CD163L1: variants seen among roughly 807,000 people sequenced by gnomAD.
The protein encoded by CD163L1 is scavenger receptor cysteine-rich type 1 protein M160.
CD163L1 carries 124 observed loss-of-function variants against 165.4 expected under a neutral mutation model. That is an observed-to-expected ratio of 0.75 (90% CI 0.65 to 0.87). The LOEUF (loss-of-function observed/expected upper bound fraction) is 0.87. Among genes scored for constraint, CD163L1 ranks in the 40% least tolerant of loss-of-function variants. The pLI, the probability that CD163L1 is intolerant of heterozygous loss-of-function variation, is 0.00. For missense variants in CD163L1, 1,525 were observed against 1,799.9 expected, an observed-to-expected ratio of 0.85 and a Z score of 2.76; for synonymous variants, 585 against 662.2, an observed-to-expected ratio of 0.88 and a Z score of 1.79.
chr12:7,433,697 G>T lies in CD163L1; in HGVS notation c.125-3C>A. On this transcript the variant is annotated splice_region_variant and splice_polypyrimidine_tract_variant and intron_variant, in intron 2 of 19. Transcript: ENST00000313599. ...CCTCAACTCCAAATCTGTTCCATCT[G>T]CAAGAAAGACAGAAACATACATTAG... 6.3e-7 allele frequency: 1 copy of T among 1,598,938 alleles called. No homozygotes were observed. Among genetic ancestry groups the T allele is most frequent in the Non-Finnish European group, 8.5e-7 (1 of 1,170,866 alleles).
chr12:7,373,590 C>T lies in CD163L1; in HGVS notation c.3460G>A (p.Gly1154Arg). ...YSETETESCAGRLEVFYNGTW... is the reference protein window; with the variant it reads ...YSETETESCARRLEVFYNGTW... ...CCGTTATAGAAGACTTCCAATCTCC[C>T]AGCACAGCTCTCTGTTTCAGTTTCA... Residue 1154 changes from glycine (G) to arginine (R), a missense_variant, in exon 14 of 20, where the codon GGG (glycine) becomes AGG (arginine). Coordinates refer to ENST00000313599, the MANE Select transcript of CD163L1 (RefSeq NM_174941.6). 1 of 1,612,994 alleles carries T rather than the reference C, an allele frequency of 6.2e-7. No individual in the cohort carries two copies. The highest frequency in any genetic ancestry group is 2.2e-5 in the East Asian group (1 of 44,860).
chr12:7,438,993 G>A, intron 2 of CD163L1: 1 of 1,604,528 alleles, frequency 6.2e-7, no homozygotes, highest in South Asian at 1.1e-5. Context: ...ACCTTTCTCG[G>A]GGTCTTCTTT....
At chr12:7,373,187 G>A (rs1947178768) in intron 14 of CD163L1, 133 bp downstream of exon 14, 9 of 699,350 alleles carry the variant, frequency 1.3e-5, no homozygotes, top group South Asian at 1.1e-4. Context: ...GAACAGATGC[G>A]ATAAATCAGC....
Position 7,347,507 on chromosome 12 carries a change from C to T in CD163L1, c.*25-360G>A, listed in dbSNP as rs772237141. The stretch of plus-strand genomic sequence containing the variant: ...AAAAAGGAATGGTCTCGGCCGGGCG[C>T]GGTGGCTCACGCTTGTAATCCCAGC... On this transcript the variant is annotated intron_variant, in intron 4 of 4. Transcript: ENST00000539726. The surrounding 1 kb of genome is among the most constrained non-coding windows in gnomAD (Gnocchi z 4.2). Among the ~76,000 whole-genome samples, 2 of 152,048 alleles carry T rather than the reference C, an allele frequency of 1.3e-5. No homozygotes were observed. Among genetic ancestry groups the T allele is most frequent in the South Asian group, 2.1e-4 (1 of 4,822 alleles).
At chr12:7,409,691 A>T (rs1385202525) in intron 4 of CD163L1, among the ~76,000 whole-genome samples, 1 of 152,212 alleles carries the variant, frequency 6.6e-6, no homozygotes, top group African/African-American at 2.4e-5. Context: ...CCCTGTCGTA[A>T]AGGGTACATT....
chr12:7,384,163 G>T (rs1947467681), intron 8 of CD163L1, among the ~76,000 whole-genome samples: 1 of 147,418 alleles, frequency 6.8e-6, no homozygotes, highest in Non-Finnish European at 1.5e-5. Flanking sequence ...ATAATTCAAT[G>T]AAAAACATAA....
intron 9 of CD163L1, 130 bp downstream of exon 9, chr12:7,378,848 G>A: frequency 1.5e-6 from 1 of 648,846 alleles, no homozygotes; most frequent in East Asian, 2.8e-5. Context: ...TAGATAGAGG[G>A]TAGGATTACT....
chr12:7,319,734 TCTTA>T, the CD163L1 span, among the ~76,000 whole-genome samples: 4 of 152,088 alleles, frequency 2.6e-5, no homozygotes, highest in African/African-American at 9.7e-5. Flanking sequence ...GGTTAAAAGG[TCTTA>T]CTTAACATAA....
rs554738823 is a variant in CD163L1, at chr12:7,363,257, C to T, written c.4279+3979G>A. 4.6e-4 allele frequency among the ~76,000 whole-genome samples: 69 copies of T among 151,608 alleles called. 1 individual carries two copies. The South Asian group carries it at 0.014, about 30-fold the overall frequency. ...CCAGGAGGCGGAGGTCGCAGTTAGC[C>T]GAGATTGTACCCCTGCACTCTAGCA... On this transcript the variant is annotated intron_variant, in intron 18 of 19. Coordinates refer to ENST00000313599, the MANE Select transcript of CD163L1 (RefSeq NM_174941.6).
At position 7,398,446 on chromosome 12, in the gene CD163L1, T is replaced by A; in HGVS notation, c.1547A>T (p.Gln516Leu). The A allele has an allele frequency of 6.2e-7, 1 of 1,614,134 alleles. No homozygotes were observed. Among genetic ancestry groups the A allele is most frequent in the Non-Finnish European group, 8.5e-7 (1 of 1,179,998 alleles). ...ATGCAAAGGCTTTCCACATCCCAATTGTTTACAAACAACAGCTGCATTCCT... is the reference window on the plus strand; with the variant it reads ...ATGCAAAGGCTTTCCACATCCCAATAGTTTACAAACAACAGCTGCATTCCT... ...STRNAAVVCK[Q>L]LGCGKPLHVF... Residue 516 changes from glutamine to leucine, a missense_variant, in exon 7 of 20, where the codon CAA (glutamine) becomes CTA (leucine). Physicochemically the swap from Gln to Leu is moderately radical, Grantham distance 113. Coordinates refer to ENST00000313599, the MANE Select transcript of CD163L1 (RefSeq NM_174941.6). The surrounding 1 kb of genome is among the most constrained non-coding windows in gnomAD (Gnocchi z 4.5).
rs1313926966 is a variant in CD163L1, at chr12:7,398,470, C to T, written c.1523G>A (p.Arg508Lys). 1 of 1,613,918 alleles carries T rather than the reference C, an allele frequency of 6.2e-7. No homozygotes were observed. The highest frequency in any genetic ancestry group is 1.3e-5 in the African/African-American group (1 of 74,908). The change falls in exon 7 of 20, where the codon AGG becomes AAG. Residue 508 changes from arginine (R) to lysine (K), a missense_variant. Physicochemically the swap from Arg to Lys is conservative, Grantham distance 26. Transcript: ENST00000313599. This position sits in a 1 kb window ranked among gnomAD's most constrained non-coding sequence, Gnocchi z 4.5. ...GTVCHDRWST[R>K]NAAVVCKQLG... ...TTGTTTACAAACAACAGCTGCATTC[C>T]TTGTGCTCCATCTGTCATGACACAC...
intron 18 of CD163L1, among the ~76,000 whole-genome samples, chr12:7,362,107 TTATA>T (rs966356034): frequency 5.4e-5 from 8 of 148,104 alleles, no homozygotes; most frequent in African/African-American, 2.0e-4. Context: ...AATGGAATAT[TTATA>T]TATATAAGGT....
chr12:7,440,622 CTTTTTTCT>C (rs1024451293), intron 2 of CD163L1, among the ~76,000 whole-genome samples: 5 of 111,266 alleles, frequency 4.5e-5, no homozygotes, highest in South Asian at 3.5e-4. Context: ...CTATCTTTAT[CTTTTTTCT>C]TTTTTTTTTT....
chr12:7,439,974 C>T (rs1948796640), intron 2 of CD163L1: 2 of 1,560,740 alleles, frequency 1.3e-6, no homozygotes, highest in Non-Finnish European at 1.7e-6. Context: ...TCGCTCCCTC[C>T]GCAGCCTGCT....
the CD163L1 span, among the ~76,000 whole-genome samples, chr12:7,326,436 C>T: frequency 2.6e-5 from 4 of 152,106 alleles, no homozygotes; most frequent in Non-Finnish European, 5.9e-5. Flanking sequence ...TTTCAAACTC[C>T]GGGGCTGAAG....
chr12:7,323,889 A>G, the CD163L1 span, among the ~76,000 whole-genome samples: 5 of 152,100 alleles, frequency 3.3e-5, no homozygotes, highest in Non-Finnish European at 5.9e-5. Context: ...AAAAAATTTA[A>G]TTTCCAGCCA....
chr12:7,358,794 C>A (rs991506848), intron 18 of CD163L1, among the ~76,000 whole-genome samples: 1 of 152,070 alleles, frequency 6.6e-6, no homozygotes. Context: ...GAAATGATCA[C>A]ACCAGAACTT....
chr12:7,396,436 C>T, intron 7 of CD163L1, 21 bp from the exon 8 acceptor site: 6 of 1,577,784 alleles, frequency 3.8e-6, no homozygotes, highest in Non-Finnish European at 5.2e-6. Flanking sequence ...AACAATGAAG[C>T]AAGTAGTTAA....
intron 9 of CD163L1, among the ~76,000 whole-genome samples, chr12:7,377,177 A>G (rs1022156799): frequency 1.3e-5 from 2 of 151,996 alleles, no homozygotes; most frequent in Non-Finnish European, 2.9e-5. Context: ...CTGTATCTCT[A>G]TTTGTATTTT....
Sources: gnomAD v4.1 joint callset for allele counts (sites outside exome capture counted in the v4.1 genomes callset) on GRCh38, gnomAD v4.1.1 for gene constraint, Gnocchi (gnomAD v3.1) non-coding constraint, MANE v1.5 for transcripts, NCBI Gene and HGNC (gene_info 2026-07-23, HGNC 2026-07-21) for gene names.